CAST: variants seen among roughly 807,000 people sequenced by gnomAD.
CAST encodes the protein calpastatin.
In CAST, 76 loss-of-function variants were observed where a neutral mutation model predicts 119.6. The observed-to-expected ratio is 0.64, with a 90% CI of 0.53 to 0.77. CAST has a LOEUF of 0.77. Ranked by LOEUF, CAST falls within the 30% of genes least tolerant of loss-of-function variation. CAST has a pLI of 0.00. For synonymous variants in CAST, 319 were observed against 331.6 expected (o/e 0.96, Z 0.41); for missense variants, 953 against 946.5 (o/e 1.01, Z -0.09).
the CAST span, among the ~76,000 whole-genome samples, chr5:96,183,755 G>A: frequency 6.6e-6 from 1 of 152,108 alleles, no homozygotes; most frequent in Non-Finnish European, 1.5e-5. Context: ...GATACAATGG[G>A]ACATATTGAA....
At chr5:96,534,790 A>AAAGAAAGAAAG (rs1220767510) in intron 1 of CAST, among the ~76,000 whole-genome samples, 1 of 128,086 alleles carries the variant, frequency 7.8e-6, no homozygotes, top group Non-Finnish European at 1.7e-5. Context: ...AGAAAGAAAG[A>AAAGAAAGAAAG]AAGAAAGAAA....
chr5:96,333,269 G>A, the CAST span, among the ~76,000 whole-genome samples: 1 of 151,970 alleles, frequency 6.6e-6, no homozygotes, highest in Admixed American at 6.5e-5. Flanking sequence ...TTCCTGGTGG[G>A]ACTTTAATAC....
At chr5:96,025,187 CA>C in the CAST span, among the ~76,000 whole-genome samples, 1 of 152,020 alleles carries the variant, frequency 6.6e-6, no homozygotes, top group Non-Finnish European at 1.5e-5. Context: ...GTTTAAACTG[CA>C]AAAATTTATT....
chr5:96,258,381 A>T, the CAST span, among the ~76,000 whole-genome samples: 20 of 152,292 alleles, frequency 1.3e-4, 1 homozygote, highest in East Asian at 3.1e-3. Context: ...TCTACCTTTT[A>T]TTACTATTAC....
At chr5:96,222,612 A>G in the CAST span, among the ~76,000 whole-genome samples, 8 of 152,272 alleles carry the variant, frequency 5.3e-5, no homozygotes, top group African/African-American at 1.9e-4. Context: ...TAAAAATAAT[A>G]GATGCTGGTC....
chr5:96,616,426 G>T (rs1002921814), intron 1 of CAST, among the ~76,000 whole-genome samples: 2 of 152,174 alleles, frequency 1.3e-5, no homozygotes, highest in Non-Finnish European at 2.9e-5. Flanking sequence ...CTGACAAGAA[G>T]CTTCTAGAAG....
At chr5:96,005,084 A>C in the CAST span, among the ~76,000 whole-genome samples, 1 of 152,226 alleles carries the variant, frequency 6.6e-6, no homozygotes, top group African/African-American at 2.4e-5. Flanking sequence ...ACCATTAATC[A>C]GTTGTGAGGG....
chr5:96,692,102 G>T (rs1752791417), intron 2 of CAST, among the ~76,000 whole-genome samples: 1 of 152,130 alleles, frequency 6.6e-6, no homozygotes, highest in Non-Finnish European at 1.5e-5. Flanking sequence ...AGCTTGTTTT[G>T]AGAGTTTCTA....
chr5:96,752,550 AT>A (rs1765298527), intron 20 of CAST, among the ~76,000 whole-genome samples: 4 of 57,996 alleles, frequency 6.9e-5, no homozygotes, highest in African/African-American at 6.6e-5. Flanking sequence ...AACCTCAGGG[AT>A]AACCTCAGGG....
At chr5:96,389,038 T>G in the CAST span, among the ~76,000 whole-genome samples, 2 of 152,052 alleles carry the variant, frequency 1.3e-5, no homozygotes, top group Non-Finnish European at 2.9e-5. Context: ...ATATGTGGAA[T>G]TTTTAAAAAG....
At chr5:96,144,780 G>T in the CAST span, among the ~76,000 whole-genome samples, 7 of 151,910 alleles carry the variant, frequency 4.6e-5, no homozygotes, top group East Asian at 1.4e-3. Flanking sequence ...AGGTTCAAGC[G>T]ATTATCCTGC....
At chr5:96,410,907 C>T in the CAST span, 1 of 1,613,492 alleles carries the variant, frequency 6.2e-7, no homozygotes, top group Non-Finnish European at 8.5e-7. Flanking sequence ...GTCTGTGTAG[C>T]CATCACAGTC....
the CAST span, among the ~76,000 whole-genome samples, chr5:96,253,396 G>C: frequency 6.6e-6 from 1 of 152,094 alleles, no homozygotes; most frequent in African/African-American, 2.4e-5. Flanking sequence ...AAATCTCTGG[G>C]GGTGGGACCC....
the CAST span, among the ~76,000 whole-genome samples, chr5:96,519,579 A>G: frequency 2.0e-5 from 3 of 152,094 alleles, no homozygotes; most frequent in African/African-American, 7.2e-5. Flanking sequence ...TCATGGCATG[A>G]TTTTTAATAT....
the CAST span, among the ~76,000 whole-genome samples, chr5:96,361,284 C>T: frequency 6.6e-5 from 10 of 152,168 alleles, no homozygotes; most frequent in African/African-American, 2.2e-4. Flanking sequence ...GGGTGGGGTC[C>T]GCTGAACTAG....
the CAST span, among the ~76,000 whole-genome samples, chr5:96,465,618 CTGG>C: frequency 1.3e-5 from 2 of 152,096 alleles, no homozygotes; most frequent in African/African-American, 4.8e-5. Flanking sequence ...GTCAGTGTAA[CTGG>C]GATTTTCATC....
the CAST span, among the ~76,000 whole-genome samples, chr5:96,374,204 C>G: frequency 6.6e-5 from 10 of 152,248 alleles, no homozygotes; most frequent in African/African-American, 1.9e-4. Flanking sequence ...CATATGTTTT[C>G]CAATTCAAAA....
intron 1 of CAST, among the ~76,000 whole-genome samples, chr5:96,575,473 T>A (rs1372947474): frequency 3.3e-5 from 5 of 152,204 alleles, no homozygotes; most frequent in Non-Finnish European, 4.4e-5. Flanking sequence ...CCTTGCCTTG[T>A]TACCGATCTT....
the CAST span, among the ~76,000 whole-genome samples, chr5:96,070,071 GTCAGCCTTTATTC>G: frequency 3.9e-5 from 6 of 152,238 alleles, no homozygotes; most frequent in South Asian, 2.1e-4. Flanking sequence ...CTTAGGGAAG[GTCAGCCTTTATTC>G]TCAGCCTTTA....
Sources: allele counts gnomAD v4.1 joint callset (sites outside exome capture counted in the v4.1 genomes callset), GRCh38; gene constraint gnomAD v4.1.1; transcripts MANE v1.5; gene names NCBI Gene and HGNC (gene_info 2026-07-23, HGNC 2026-07-21).